CBX3: variants seen among roughly 807,000 people sequenced by gnomAD.
CBX3 encodes chromobox 3.
A neutral mutation model predicts 22.6 loss-of-function variants in CBX3; 5 were observed. The observed-to-expected ratio is 0.22, with a 90% CI of 0.12 to 0.47. The LOEUF is 0.47. Ranked by LOEUF, CBX3 falls within the 20% of genes least tolerant of loss-of-function variation. The probability of loss-of-function intolerance (pLI) is 0.99; values close to 1 mark genes in which losing one functional copy is unlikely to be tolerated. For missense variants in CBX3, 83 were observed against 208.1 expected (o/e 0.40, Z 3.70); for synonymous variants, 50 against 66.6 (o/e 0.75, Z 1.21).
At position 26,212,894 on chromosome 7, in the gene CBX3, A is replaced by G. The variant is rs1308309377; in HGVS notation, c.*686A>G. The G allele has an allele frequency of 6.6e-6, 1 of 152,298 alleles. No homozygotes were observed. The highest frequency in any genetic ancestry group is 1.5e-5 in the Non-Finnish European group (1 of 68,054). 9.4% of individuals were successfully genotyped at this position (152,298 alleles called of 1,614,324 possible). ...AAAATTTTATCACTGCCATCACAGCAGGTTTCCTCATCCAGATGAGGAAAC... is the reference window on the plus strand; with the variant it reads ...AAAATTTTATCACTGCCATCACAGCGGGTTTCCTCATCCAGATGAGGAAAC... On this transcript the variant is annotated 3_prime_UTR_variant, in exon 6 of 6. Transcript: ENST00000396386.
At chr7:26,202,562 A>T (rs1357369785) in intron 1 of CBX3, 1 of 160,510 alleles carries the variant, frequency 6.2e-6, no homozygotes, top group Non-Finnish European at 1.4e-5. Context: ...CTGAGCAGAA[A>T]CCAAGTTGGG....
At chr7:26,209,908 A>G (rs1212147209) in intron 4 of CBX3, 2 of 152,224 alleles carry the variant, frequency 1.3e-5, no homozygotes, top group East Asian at 1.9e-4. Flanking sequence ...ACAACTCTGT[A>G]TAAGGTCATA....
At chr7:26,202,174 G>C (rs1025928043) in intron 1 of CBX3, 2 of 151,998 alleles carry the variant, frequency 1.3e-5, no homozygotes, top group African/African-American at 4.8e-5. Flanking sequence ...GTCGAGACTT[G>C]GGCCTCCCGG....
intron 3 of CBX3, among the ~76,000 whole-genome samples, chr7:26,206,805 T>C (rs899498235): frequency 6.6e-6 from 1 of 152,220 alleles, no homozygotes; most frequent in African/African-American, 2.4e-5. Flanking sequence ...TTACACTAAT[T>C]AGAATAATCT....
intron 1 of CBX3, chr7:26,202,079 T>G (rs962771145): frequency 2.6e-5 from 4 of 151,050 alleles, no homozygotes; most frequent in Admixed American, 2.6e-4. Context: ...TTGCCCCATT[T>G]CGAGACAAAG....
Position 26,212,368 on chromosome 7 carries a change from G to A in CBX3, c.*160G>A, listed in dbSNP as rs1347325491. ...TTGGAAGAGTTGTTGGGGGTTTTTT[G>A]CATCCATAGCACTGGTTACTTTGAA... On this transcript the variant is annotated 3_prime_UTR_variant, in exon 6 of 6. Transcript: ENST00000396386. 1 of 338,142 alleles carries A rather than the reference G, an allele frequency of 3.0e-6. No individual in the cohort carries two copies. Among genetic ancestry groups the A allele is most frequent in the East Asian group, 6.6e-5 (1 of 15,226 alleles). The allele number at this position is 338,142 out of a possible 1,614,324, so 20.9% of individuals were successfully genotyped here. A position where few individuals can be genotyped will look rare whatever the true frequency, so the allele number is the denominator to read the frequency against.
At position 26,208,494 on chromosome 7, in the gene CBX3, A is replaced by G; in HGVS notation, c.269A>G (p.Lys90Arg). The change falls in exon 4 of 6, where the codon AAA becomes AGA. Residue 90 changes from lysine (K) to arginine (R), a missense_variant. Physicochemically the swap from Lys to Arg is conservative, Grantham distance 26. Transcript: ENST00000396386. ...GCTGGCAAAGAAAAAGATGGTACAAAAAGAAAATCTTTATCTGACAGTGAA... is the reference window on the plus strand; with the variant it reads ...GCTGGCAAAGAAAAAGATGGTACAAGAAGAAAATCTTTATCTGACAGTGAA... The part of the protein sequence containing the change: ...QKAGKEKDGT[K>R]RKSLSDSESD... The G allele has an allele frequency of 6.2e-7, 1 of 1,613,994 alleles. No individual in the cohort carries two copies. Among genetic ancestry groups the G allele is most frequent in the Non-Finnish European group, 8.5e-7 (1 of 1,179,870 alleles).
intron 1 of CBX3, chr7:26,202,193 G>C (rs1405079194): frequency 6.6e-6 from 1 of 151,872 alleles, no homozygotes; most frequent in Non-Finnish European, 1.5e-5. Context: ...GGAGGGCGGC[G>C]CGTGGTCCCG....
chr7:26,203,957 G>C (rs997339158), intron 2 of CBX3, among the ~76,000 whole-genome samples: 1 of 152,124 alleles, frequency 6.6e-6, no homozygotes, highest in East Asian at 1.9e-4. Flanking sequence ...GATAGCCTTT[G>C]GGGTCTGTTA....
chr7:26,208,171 A>C, intron 3 of CBX3: 1 of 338,148 alleles, frequency 3.0e-6, no homozygotes, highest in Non-Finnish European at 5.5e-6. Context: ...TCAGTGAGCT[A>C]TGATTCCACT....
intron 4 of CBX3, 82 bp downstream of exon 4, chr7:26,208,637 TGAGATG>T: frequency 7.5e-7 from 1 of 1,326,854 alleles, no homozygotes; most frequent in Non-Finnish European, 1.0e-6. Flanking sequence ...TTTGTTTTTT[TGAGATG>T]GAGTCTTGCT....
chr7:26,211,442 A>G (rs73281563), intron 4 of CBX3, among the ~76,000 whole-genome samples: 4,407 of 152,224 alleles, frequency 0.029, 77 homozygotes, highest in Middle Eastern at 0.048. Context: ...TTGACTTTTT[A>G]TTCTGAATGT....
chr7:26,213,327 TAATA>T lies in CBX3; in HGVS notation c.*1124_*1127del, dbSNP rs766588991. The T allele has an allele frequency of 7.9e-5, 12 of 152,714 alleles. No homozygotes were observed. The highest frequency in any genetic ancestry group is 1.2e-4 in the Non-Finnish European group (8 of 68,046). The allele number at this position is 152,714 out of a possible 1,614,324, so 9.5% of individuals were successfully genotyped here. ...ATTGTAAATACTGGTGAACAGTGGTTAATAAATAGTTTTATATTCCTTTATGCAA... is the reference window on the plus strand; with the variant it reads ...ATTGTAAATACTGGTGAACAGTGGTTAATAGTTTTATATTCCTTTATGCAA... On this transcript the variant is annotated 3_prime_UTR_variant, in exon 6 of 6. Coordinates refer to ENST00000396386, the MANE Select transcript of CBX3 (RefSeq NM_016587.4).
chr7:26,210,372 A>G (rs1784775743), intron 4 of CBX3: 1 of 152,220 alleles, frequency 6.6e-6, no homozygotes, highest in Non-Finnish European at 1.5e-5. Context: ...TGTGTGCCAA[A>G]TTATTTGCTT....
At chr7:26,201,632 GC>G (rs1264327479), upstream of CBX3, 1 of 147,062 alleles carries the variant, frequency 6.8e-6, no homozygotes, top group African/African-American at 2.5e-5. Flanking sequence ...GCGGCGCGCG[GC>G]CCCTCCCCCC....
At chr7:26,211,788 T>C in intron 5 of CBX3, 32 bp downstream of exon 5, 1 of 1,450,454 alleles carries the variant, frequency 6.9e-7, no homozygotes. Context: ...CATTTGAAAG[T>C]AAGAGTAGCT....
At chr7:26,204,639 T>C (rs1209849188) in intron 2 of CBX3, among the ~76,000 whole-genome samples, 1 of 152,240 alleles carries the variant, frequency 6.6e-6, no homozygotes, top group African/African-American at 2.4e-5. Flanking sequence ...TACATATCTG[T>C]CTGCACACTT....
intron 1 of CBX3, chr7:26,202,360 A>G (rs1243646567): frequency 6.6e-6 from 1 of 152,386 alleles, no homozygotes; most frequent in Non-Finnish European, 1.5e-5. Context: ...TGCGCTGACC[A>G]CGAGGCCCGC....
intron 2 of CBX3, among the ~76,000 whole-genome samples, chr7:26,204,941 C>T (rs1400483643): frequency 6.6e-6 from 1 of 152,096 alleles, no homozygotes; most frequent in Non-Finnish European, 1.5e-5. Context: ...AGGCATGCAC[C>T]ACTATGCCTG....
Sources: allele counts gnomAD v4.1 joint callset (sites outside exome capture counted in the v4.1 genomes callset), GRCh38; gene constraint gnomAD v4.1.1; transcripts MANE v1.5; gene names NCBI Gene and HGNC (gene_info 2026-07-23, HGNC 2026-07-21).